Variants in PCDHGB3 observed in about 807,000 individuals in gnomAD.
The protein encoded by PCDHGB3 is protocadherin gamma subfamily B, 3, also known as protocadherin gamma-B3.
Under a neutral mutation model 59.2 loss-of-function variants are expected in PCDHGB3, and 40 were observed. The ratio of observed to expected loss-of-function variants is 0.68; its 90% confidence interval spans 0.52 to 0.88. PCDHGB3 has a LOEUF of 0.88. Ranked by LOEUF, PCDHGB3 falls within the 40% of genes least tolerant of loss-of-function variation. The pLI, the probability that PCDHGB3 is intolerant of heterozygous loss-of-function variation, is 0.00. For synonymous variants in PCDHGB3, 581 were observed against 503.6 expected, an observed-to-expected ratio of 1.15 and a Z score of -2.06; for missense variants, 1,309 against 1,187.9, an observed-to-expected ratio of 1.10 and a Z score of -1.50.
chr5:141,398,337 G>T, intron 1 of PCDHGB3: 3 of 1,369,482 alleles, frequency 2.2e-6, no homozygotes, highest in Non-Finnish European at 3.0e-6. Context: ...GCGTCAGTTC[G>T]GAGAAGCCTT....
chr5:141,499,888 A>G (rs574246186), intron 2 of PCDHGB3, among the ~76,000 whole-genome samples: 105 of 152,174 alleles, frequency 6.9e-4, no homozygotes, highest in African/African-American at 2.4e-3. Flanking sequence ...GGGTTTCGCC[A>G]TGTTGGCCAG....
At position 141,485,939 on chromosome 5, in the gene PCDHGB3, C is replaced by A; in HGVS notation, c.2416-8868C>A. ...CAGGATTAGTGTGTTGGAGAGCGCA[C>A]CAGCGGGCATGGTGCTCATCCAGCT... On this transcript the variant is annotated intron_variant, in intron 1 of 3. Transcript: ENST00000576222. This position sits in a 1 kb window ranked among gnomAD's most constrained non-coding sequence, Gnocchi z 5.7. 1 of 1,614,140 alleles carries A rather than the reference C, an allele frequency of 6.2e-7. No homozygotes were observed. The highest frequency in any genetic ancestry group is 8.5e-7 in the Non-Finnish European group (1 of 1,180,030).
chr5:141,427,139 T>C (rs1430333586), intron 1 of PCDHGB3: 2 of 456,952 alleles, frequency 4.4e-6, no homozygotes, highest in East Asian at 1.4e-4. Context: ...TACGAGATGA[T>C]ATTGGAAATA....
rs771398829 is a variant in PCDHGB3, at chr5:141,421,251, G to A, written c.2415+48442G>A. ...CCATGGCGAATCGGCTACAGCGCGG[G>A]GACCGCAGTCGGCTGCTGCTGCTGC... On this transcript the variant is annotated intron_variant, in intron 1 of 3. Transcript: ENST00000576222. 17 of 1,606,770 alleles carry A rather than the reference G, an allele frequency of 1.1e-5. No homozygotes were observed. The East Asian group carries it at 3.1e-4, about 30-fold the overall frequency.
intron 1 of PCDHGB3, chr5:141,409,829 A>AGC (rs2095323181): frequency 6.2e-7 from 1 of 1,610,980 alleles, no homozygotes; most frequent in African/African-American, 1.3e-5. Context: ...GCCCACGCTC[A>AGC]GCGCCAACGT....
In PCDHGB3 at chr5:141,467,461, A is replaced by G. The variant is rs1330947379; in HGVS notation, c.2416-27346A>G. ...ATTACTTTTTTCTTCCAGTGCTAGT[A>G]CTTGCATGGTTTTTGGTTTCCACAT... On this transcript the variant is annotated intron_variant, in intron 1 of 3. Coordinates refer to ENST00000576222, the MANE Select transcript of PCDHGB3 (RefSeq NM_018924.5). 2.6e-5 allele frequency among the ~76,000 whole-genome samples: 4 copies of G among 152,158 alleles called. No homozygotes were observed. The South Asian group carries it at 8.3e-4, about 31-fold the overall frequency.
intron 1 of PCDHGB3, chr5:141,400,228 C>T: frequency 1.2e-6 from 2 of 1,614,030 alleles, no homozygotes; most frequent in African/African-American, 2.7e-5. Flanking sequence ...GCTCTTCCTC[C>T]TGGCCGTGAT....
rs558972594 is a variant in PCDHGB3 at position 141,485,292 on chromosome 5, A to G, written c.2416-9515A>G. ...CGCTACCCGGTCCCAGAGGAGTCAC[A>G]GGAAGGGACTTTTGTAGGGAATGTC... On this transcript the variant is annotated intron_variant, in intron 1 of 3. Coordinates refer to ENST00000576222, the MANE Select transcript of PCDHGB3 (RefSeq NM_018924.5). The surrounding 1 kb of genome is among the most constrained non-coding windows in gnomAD (Gnocchi z 5.7). 1 of 1,614,120 alleles carries G rather than the reference A, an allele frequency of 6.2e-7. No individual in the cohort carries two copies. Among genetic ancestry groups the G allele is most frequent in the African/African-American group, 1.3e-5 (1 of 75,058 alleles).
At chr5:141,399,818 G>A in intron 1 of PCDHGB3, 1 of 1,613,204 alleles carries the variant, frequency 6.2e-7, no homozygotes, top group Non-Finnish European at 8.5e-7. Context: ...CCCGCGCTGG[G>A]TCCCGACGGC....
intron 1 of PCDHGB3, among the ~76,000 whole-genome samples, chr5:141,468,758 C>T (rs929005462): frequency 6.6e-5 from 10 of 151,684 alleles, no homozygotes; most frequent in African/African-American, 2.2e-4. Context: ...CCCAGCTACT[C>T]GGGAGGCTGA....
chr5:141,429,913 T>C (rs1013990672), intron 1 of PCDHGB3, among the ~76,000 whole-genome samples: 29 of 152,238 alleles, frequency 1.9e-4, no homozygotes, highest in African/African-American at 7.0e-4. Context: ...TGAAATATAA[T>C]GTATTAATAG....
intron 3 of PCDHGB3, among the ~76,000 whole-genome samples, chr5:141,509,092 G>T (rs943269087): frequency 1.3e-5 from 2 of 152,180 alleles, no homozygotes; most frequent in African/African-American, 4.8e-5. Context: ...TGAAATGGGG[G>T]CTGTAGAAAC....
At chr5:141,461,602 A>G (rs971808608) in intron 1 of PCDHGB3, among the ~76,000 whole-genome samples, 2 of 152,172 alleles carry the variant, frequency 1.3e-5, no homozygotes, top group African/African-American at 4.8e-5. Flanking sequence ...ATTATAATTT[A>G]GTTCAAAGTA....
At chr5:141,474,998 T>C (rs1029967243) in intron 1 of PCDHGB3, among the ~76,000 whole-genome samples, 1 of 152,260 alleles carries the variant, frequency 6.6e-6, no homozygotes, top group Non-Finnish European at 1.5e-5. Context: ...CAATTCTAAA[T>C]GCAGAAAAGT....
In PCDHGB3 at chr5:141,385,248, G is replaced by T; in HGVS notation, c.2415+12439G>T. 6.2e-7 allele frequency: 1 copy of T among 1,613,854 alleles called. No individual in the cohort carries two copies. The highest frequency in any genetic ancestry group is 8.5e-7 in the Non-Finnish European group (1 of 1,179,720). The stretch of plus-strand genomic sequence containing the variant: ...ATGTAGACATGCTCATCAGCCAGGA[G>T]AGCTGTGAGAAAAATGATTCTTTGC... On this transcript the variant is annotated intron_variant, in intron 1 of 3. Coordinates refer to ENST00000576222, the MANE Select transcript of PCDHGB3 (RefSeq NM_018924.5).
In PCDHGB3 at chr5:141,370,664, A is replaced by G. The variant is rs1369327412; in HGVS notation, c.270A>G (p.Ile90Met). ...GGAACTTACTTGTGAGCGACCGTAT[A>G]GACCGAGAGGAGATTTGTGGCAAGA... ...ENGNLLVSDR[I>M]DREEICGKKS... is the part of the protein sequence containing the mutation. The change falls in exon 1 of 4, where the codon ATA becomes ATG. Residue 90 changes from isoleucine (I) to methionine (M), a missense_variant. By Grantham distance (10) the Ile-to-Met change is conservative (BLOSUM62 1). Coordinates refer to ENST00000576222, the MANE Select transcript of PCDHGB3 (RefSeq NM_018924.5). 1.9e-6 allele frequency: 3 copies of G among 1,613,920 alleles called. No homozygotes were observed. The highest frequency in any genetic ancestry group is 1.1e-5 in the South Asian group (1 of 91,084).
intron 1 of PCDHGB3, among the ~76,000 whole-genome samples, chr5:141,381,960 G>A (rs1283229818): frequency 6.6e-6 from 1 of 150,482 alleles, no homozygotes; most frequent in East Asian, 2.0e-4. Flanking sequence ...CTCCTGAGTA[G>A]CTGGGATTAC....
intron 1 of PCDHGB3, chr5:141,389,952 C>T (rs2091983675): frequency 3.1e-6 from 5 of 1,613,946 alleles, no homozygotes; most frequent in Non-Finnish European, 4.2e-6. Context: ...GCAGTTTTAC[C>T]TAGTGGTGGC....
At chr5:141,406,002 A>G (rs1348687108) in intron 1 of PCDHGB3, among the ~76,000 whole-genome samples, 1 of 151,598 alleles carries the variant, frequency 6.6e-6, no homozygotes, top group Non-Finnish European at 1.5e-5. Flanking sequence ...CTCAGCCTGC[A>G]TTGATGTGGG....
Sources: allele counts gnomAD v4.1 joint callset (sites outside exome capture counted in the v4.1 genomes callset), GRCh38; gene constraint gnomAD v4.1.1; non-coding constraint Gnocchi (gnomAD v3.1); transcripts MANE v1.5; gene names NCBI Gene and HGNC (gene_info 2026-07-23, HGNC 2026-07-21).